The following MCF2L variants were observed in gnomAD, a reference collection of about 807,000 sequenced individuals.
The protein encoded by MCF2L is MCF.2 cell line derived transforming sequence like, also known as guanine nucleotide exchange factor DBS.
In MCF2L, 97 loss-of-function variants were observed where a neutral mutation model predicts 153.4. The observed-to-expected ratio is 0.63, with a 90% CI of 0.54 to 0.75. The LOEUF is 0.75. Among genes scored for constraint, MCF2L ranks in the 30% least tolerant of loss-of-function variants. MCF2L has a pLI of 0.00. For missense variants in MCF2L, 1,347 were observed against 1,495.2 expected (o/e 0.90, Z 1.64); for synonymous variants, 659 against 632.2 (o/e 1.04, Z -0.64).
chr13:112,949,773 T>C (rs978848119), intron 2 of MCF2L, among the ~76,000 whole-genome samples: 2 of 151,642 alleles, frequency 1.3e-5, no homozygotes, highest in African/African-American at 4.8e-5. Flanking sequence ...CTACAAAAAA[T>C]ACCCACAACT....
intron 1 of MCF2L, among the ~76,000 whole-genome samples, chr13:112,996,675 C>T (rs1343660655): frequency 3.9e-5 from 6 of 152,314 alleles, no homozygotes; most frequent in East Asian, 1.9e-4. Context: ...TGGATGCGCC[C>T]GATGGTCCCG....
intron 2 of MCF2L, among the ~76,000 whole-genome samples, chr13:112,962,958 G>A (rs1049129173): frequency 1.3e-5 from 2 of 152,306 alleles, no homozygotes; most frequent in Admixed American, 6.5e-5. Context: ...GTCCAGATGC[G>A]GGGTGTGCTT....
chr13:113,077,026 G>A (rs2033565870), intron 12 of MCF2L, 26 bp from the exon 13 acceptor site: 1 of 1,596,496 alleles, frequency 6.3e-7, no homozygotes, highest in South Asian at 1.1e-5. Flanking sequence ...CATGTGCAAG[G>A]CACCTTACTG....
chr13:113,069,927 G>C (rs2032711780), intron 8 of MCF2L, 132 bp from the exon 9 acceptor site: 1 of 571,004 alleles, frequency 1.8e-6, no homozygotes, highest in Non-Finnish European at 3.1e-6. Flanking sequence ...GGTGCAGGGA[G>C]TGAGCGGAGG....
chr13:112,910,921 C>T (rs1027234550), intron 2 of MCF2L, among the ~76,000 whole-genome samples: 3 of 151,582 alleles, frequency 2.0e-5, no homozygotes, highest in Non-Finnish European at 4.4e-5. Flanking sequence ...CTGCTGGAGG[C>T]ACCTTGGAGA....
At chr13:112,944,310 G>A (rs1594364582) in intron 2 of MCF2L, among the ~76,000 whole-genome samples, 1 of 152,084 alleles carries the variant, frequency 6.6e-6, no homozygotes, top group Admixed American at 6.5e-5. Flanking sequence ...GGAATCCATT[G>A]CTCTGGCCCC....
intron 15 of MCF2L, 27 bp downstream of exon 15, chr13:113,078,766 C>A (rs755883739): frequency 1.3e-6 from 2 of 1,574,108 alleles, no homozygotes; most frequent in South Asian, 1.1e-5. Flanking sequence ...TCTGTCCTCA[C>A]AGGGGCCCTC....
In MCF2L at chr13:113,094,562, G is replaced by C. The variant is rs547927498; in HGVS notation, c.3002G>C (p.Gly1001Ala). The C allele has an allele frequency of 6.3e-5, 101 of 1,612,642 alleles. No homozygotes were observed. In the South Asian group the frequency reaches 1.0e-3, roughly 16 times the overall value. The change falls in exon 27 of 30, where the codon GGC becomes GCC. Residue 1001 changes from glycine (G) to alanine (A), a missense_variant. By Grantham distance (60) the Gly-to-Ala change is moderately conservative (BLOSUM62 0). Around this residue, in one of 3 missense-constraint regions of MCF2L, gnomAD observed 383 missense variants for 335.4 expected, o/e 1.14. Coordinates refer to ENST00000535094, the MANE Select transcript of MCF2L (RefSeq NM_001112732.3). Reference sequence around the variant, plus strand: ...CTGGAGGCACCTGAGGACGACGGGGGCTGGTCAAGTGCAGAGGAGCAGATT... The same window carrying C: ...CTGGAGGCACCTGAGGACGACGGGGCCTGGTCAAGTGCAGAGGAGCAGATT... ...HSLEAPEDDG[G>A]WSSAEEQINS...
Position 113,045,336 on chromosome 13 carries a change from T to C in MCF2L, c.344T>C (p.Val115Ala). ...CGGCGACGGGACAAATGGACCTCCG[T>C]GAAGGCGTCCGTCCTGCGCATCGCA... ...IDRRRDKWTS[V>A]KASVLRIAAS... Residue 115 changes from valine (V) to alanine (A), a missense_variant, in exon 4 of 30, where the codon GTG becomes GCG. Physicochemically the swap from Val to Ala is moderately conservative, Grantham distance 64. Coordinates refer to ENST00000535094, the MANE Select transcript of MCF2L (RefSeq NM_001112732.3). This position sits in a 1 kb window ranked among gnomAD's most constrained non-coding sequence, Gnocchi z 4.2. The C allele has an allele frequency of 6.2e-7, 1 of 1,614,048 alleles. No homozygotes were observed. Among genetic ancestry groups the C allele is most frequent in the Non-Finnish European group, 8.5e-7 (1 of 1,180,016 alleles).
At chr13:112,935,431 A>AT (rs2081505235) in intron 2 of MCF2L, among the ~76,000 whole-genome samples, 1 of 151,876 alleles carries the variant, frequency 6.6e-6, no homozygotes, top group Non-Finnish European at 1.5e-5. Context: ...CTAATTTTGT[A>AT]TTTTTAGTAG....
chr13:113,044,934 C>T, intron 3 of MCF2L: 1 of 1,604,002 alleles, frequency 6.2e-7, no homozygotes, highest in Non-Finnish European at 8.5e-7. Flanking sequence ...AGCTGGTCAC[C>T]CAGGAAAGGA....
intron 2 of MCF2L, among the ~76,000 whole-genome samples, chr13:112,913,379 C>T (rs76457208): frequency 5.8e-4 from 89 of 152,200 alleles, no homozygotes; most frequent in Non-Finnish European, 4.9e-4. Flanking sequence ...TCACTCACCT[C>T]ACCTGGCAAA....
At chr13:113,084,506 T>C in intron 18 of MCF2L, 1 of 331,716 alleles carries the variant, frequency 3.0e-6, no homozygotes, top group African/African-American at 2.1e-5. Context: ...TAGGGTCTGT[T>C]TTTTGCTAAA....
Position 113,046,312 on chromosome 13 carries a change from C to T in MCF2L, c.369+951C>T, listed in dbSNP as rs1313546786. The T allele has an allele frequency of 3.0e-5, 9 of 303,272 alleles. No individual in the cohort carries two copies. Among genetic ancestry groups the T allele is most frequent in the Non-Finnish European group, 4.5e-5 (7 of 155,508 alleles). 18.8% of individuals were successfully genotyped at this position (303,272 alleles called of 1,614,324 possible). ...CCCAGAGCCTGGGTCCAGGCACCTG[C>T]ATGTTCTCACGCCCGCCACAGCCCG... On this transcript the variant is annotated intron_variant, in intron 4 of 29. Transcript: ENST00000535094. The surrounding 1 kb of genome is among the most constrained non-coding windows in gnomAD (Gnocchi z 4.4).
intron 2 of MCF2L, among the ~76,000 whole-genome samples, chr13:112,905,355 T>C (rs1018839249): frequency 6.6e-6 from 1 of 152,008 alleles, no homozygotes; most frequent in Non-Finnish European, 1.5e-5. Flanking sequence ...GGGGCTACAG[T>C]GGTGGGAAGA....
At chr13:112,901,920 GTTTTT>G (rs2081123309) in intron 1 of MCF2L, among the ~76,000 whole-genome samples, 2 of 152,220 alleles carry the variant, frequency 1.3e-5, no homozygotes, top group East Asian at 3.8e-4. Context: ...GGTTGTTGTT[GTTTTT>G]CTTTTCTTCA....
chr13:113,001,841 C>T, intron 1 of MCF2L: 2 of 1,520,130 alleles, frequency 1.3e-6, no homozygotes, highest in Non-Finnish European at 1.8e-6. Flanking sequence ...TGGTGCTGCG[C>T]CATCCTTTGT....
intron 1 of MCF2L, among the ~76,000 whole-genome samples, chr13:112,996,123 G>A (rs537836730): frequency 3.8e-4 from 58 of 152,210 alleles, no homozygotes; most frequent in African/African-American, 1.3e-3. Context: ...GCTAGCCCTC[G>A]TCATCTTCTA....
Position 113,064,708 on chromosome 13 carries a change from A to G in MCF2L, c.607-228A>G. 3.4e-6 allele frequency: 2 copies of G among 591,420 alleles called. No individual in the cohort carries two copies. Among genetic ancestry groups the G allele is most frequent in the South Asian group, 4.2e-5 (2 of 47,940 alleles). The allele number at this position is 591,420 out of a possible 1,614,324, so 36.6% of individuals were successfully genotyped here. A position where few individuals can be genotyped will look rare whatever the true frequency, so the allele number is the denominator to read the frequency against. The stretch of plus-strand genomic sequence containing the variant: ...TGCTCTCAACGGGGAGAGGCAGCGC[A>G]GGCACAGGCGACTCTAGGTGACGGG... On this transcript the variant is annotated intron_variant, in intron 6 of 29. Transcript: ENST00000535094. The surrounding 1 kb of genome is among the most constrained non-coding windows in gnomAD (Gnocchi z 6.0).
Sources: gnomAD v4.1 joint callset for allele counts (sites outside exome capture counted in the v4.1 genomes callset) on GRCh38, gnomAD v4.1.1 for gene constraint, gnomAD v4.1.1 regional missense constraint, Gnocchi (gnomAD v3.1) non-coding constraint, MANE v1.5 for transcripts, NCBI Gene and HGNC (gene_info 2026-07-23, HGNC 2026-07-21) for gene names.